Variants in ARHGAP26 observed in about 807,000 individuals in gnomAD.
ARHGAP26 encodes Rho GTPase activating protein 26, also known as rho GTPase-activating protein 26.
ARHGAP26 carries 38 observed loss-of-function variants against 104.8 expected under a neutral mutation model. The ratio of observed to expected loss-of-function variants is 0.36; its 90% CI spans 0.28 to 0.48. The LOEUF (loss-of-function observed/expected upper bound fraction) is 0.48. ARHGAP26 is among the 20% of genes least tolerant of loss of function. The probability of loss-of-function intolerance (pLI) is 0.99; values close to 1 mark genes in which losing one functional copy is unlikely to be tolerated. For missense variants in ARHGAP26, 704 were observed against 947.9 expected, an observed-to-expected ratio of 0.74 and a Z score of 3.38; for synonymous variants, 341 against 340.0, an observed-to-expected ratio of 1.00 and a Z score of -0.03.
Position 143,131,987 on chromosome 5 carries a change from G to T in ARHGAP26, c.1699-1980G>T, listed in dbSNP as rs533229641. Among the ~76,000 whole-genome samples the T allele has an allele frequency of 2.8e-4, 42 of 152,132 alleles. No individual in the cohort carries two copies. The South Asian group carries it at 7.1e-3, about 26-fold the overall frequency. On this transcript the variant is annotated intron_variant, in intron 18 of 22. Transcript: ENST00000645722. ...TATAGCACTGGTAAACTTGTTTTTT[G>T]GGGTTCCAGCTGCTCGGGAAGTTAG... is the stretch of plus-strand genomic sequence containing the variant.
At chr5:142,820,400 T>C (rs368367707) in intron 1 of ARHGAP26, among the ~76,000 whole-genome samples, 12 of 152,194 alleles carry the variant, frequency 7.9e-5, no homozygotes, top group Non-Finnish European at 1.3e-4. Context: ...TGATCAGTCA[T>C]TTTGTGGTTG....
chr5:143,202,058 TG>T (rs1807823372), intron 20 of ARHGAP26, among the ~76,000 whole-genome samples: 1 of 152,210 alleles, frequency 6.6e-6, no homozygotes, highest in African/African-American at 2.4e-5. Context: ...TAAGTCTCTT[TG>T]TAAGTCTCTA....
At chr5:143,053,362 AAG>A (rs1785310077) in intron 14 of ARHGAP26, among the ~76,000 whole-genome samples, 2 of 152,182 alleles carry the variant, frequency 1.3e-5, no homozygotes, top group Admixed American at 1.3e-4. Flanking sequence ...CAGAAAAAAA[AAG>A]GACTGGGAGC....
At chr5:143,044,756 T>G (rs2578593) in intron 14 of ARHGAP26, among the ~76,000 whole-genome samples, 1 of 151,984 alleles carries the variant, frequency 6.6e-6, no homozygotes, top group Non-Finnish European at 1.5e-5. Flanking sequence ...TAGGAGCATA[T>G]TGTTGGCTCC....
At chr5:142,791,236 A>G (rs1399287050) in intron 1 of ARHGAP26, among the ~76,000 whole-genome samples, 1 of 152,112 alleles carries the variant, frequency 6.6e-6, no homozygotes, top group East Asian at 1.9e-4. Context: ...CTGCTCTGAT[A>G]GGGTGGCATC....
At chr5:142,950,261 G>A (rs1479624494) in intron 11 of ARHGAP26, among the ~76,000 whole-genome samples, 2 of 152,146 alleles carry the variant, frequency 1.3e-5, no homozygotes, top group African/African-American at 4.8e-5. Flanking sequence ...GAACCCACAT[G>A]CATTTGAGGG....
At position 143,222,286 on chromosome 5, in the gene ARHGAP26, C is replaced by CA. The variant is rs527379069; in HGVS notation, c.2192-72_2192-71insA. On this transcript the variant is annotated intron_variant, in intron 22 of 22. Coordinates refer to ENST00000645722, the MANE Select transcript of ARHGAP26 (RefSeq NM_001135608.3). ...ACACACACACACACACACACACACCCCACACACACATCTGCCGCCTGCTCT... is the reference window on the plus strand; with the variant it reads ...ACACACACACACACACACACACACCCACACACACACATCTGCCGCCTGCTCT... 15 of 965,708 alleles carry CA rather than the reference C, an allele frequency of 1.6e-5. No homozygotes were observed. In the African/African-American group the frequency reaches 2.3e-4, roughly 15 times the overall value. 59.8% of individuals were successfully genotyped at this position (965,708 alleles called of 1,614,324 possible).
chr5:143,012,576 T>TTTATATATATACATATATA (rs1779038685), intron 11 of ARHGAP26, among the ~76,000 whole-genome samples: 1 of 57,032 alleles, frequency 1.8e-5, no homozygotes. Context: ...TATATATATA[T>TTTATATATATACATATATA]TATGATCAGG....
At chr5:143,035,839 G>GGCAGGAGACTCGCTTGAAC (rs1270397843) in intron 12 of ARHGAP26, among the ~76,000 whole-genome samples, 7 of 151,238 alleles carry the variant, frequency 4.6e-5, no homozygotes, top group Non-Finnish European at 7.4e-5. Flanking sequence ...GAGAAGCTGA[G>GGCAGGAGACTCGCTTGAAC]GCAGGAGACT....
At chr5:143,058,310 C>G (rs1028516539) in intron 17 of ARHGAP26, among the ~76,000 whole-genome samples, 1 of 152,140 alleles carries the variant, frequency 6.6e-6, no homozygotes, top group African/African-American at 2.4e-5. Context: ...TGCATTAAAG[C>G]CTTTGAAGAA....
At chr5:143,026,579 C>G (rs564097065) in intron 12 of ARHGAP26, among the ~76,000 whole-genome samples, 1 of 151,968 alleles carries the variant, frequency 6.6e-6, no homozygotes, top group African/African-American at 2.4e-5. Flanking sequence ...TACTTGTGTT[C>G]TAGGAATATC....
At chr5:143,051,439 A>G (rs765654862) in intron 14 of ARHGAP26, among the ~76,000 whole-genome samples, 15 of 152,228 alleles carry the variant, frequency 9.9e-5, no homozygotes, top group Non-Finnish European at 1.9e-4. Flanking sequence ...TTTACTAAGC[A>G]GCAGTGGTCA....
chr5:142,998,830 C>T lies in ARHGAP26; in HGVS notation c.1108-15250C>T, dbSNP rs146424336. On this transcript the variant is annotated intron_variant, in intron 11 of 22. Coordinates refer to ENST00000645722, the MANE Select transcript of ARHGAP26 (RefSeq NM_001135608.3). ...AGAATATGGCCTGTGCAACACGAGA[C>T]GGTGAGCTAGTCTGATCAGCAGCTT... 4.9e-3 allele frequency among the ~76,000 whole-genome samples: 746 copies of T among 152,184 alleles called. 14 individuals are homozygous for T. The highest frequency in any genetic ancestry group is 0.031 in the East Asian group (159 of 5,178).
intron 1 of ARHGAP26, among the ~76,000 whole-genome samples, chr5:142,826,643 G>T (rs1044342201): frequency 9.9e-5 from 15 of 152,140 alleles, no homozygotes; most frequent in Admixed American, 6.5e-4. Context: ...GGATTTTAGT[G>T]GTGGGAGGTA....
intron 11 of ARHGAP26, among the ~76,000 whole-genome samples, chr5:142,997,858 T>C (rs1227632232): frequency 6.6e-6 from 1 of 152,186 alleles, no homozygotes; most frequent in Non-Finnish European, 1.5e-5. Context: ...TGATGTGCCT[T>C]GTGGCATAAT....
intron 1 of ARHGAP26, among the ~76,000 whole-genome samples, chr5:142,854,769 T>G (rs965547920): frequency 4.6e-5 from 7 of 152,224 alleles, no homozygotes; most frequent in Admixed American, 4.6e-4. Context: ...GACCCAAAGA[T>G]GAGGCATGTT....
chr5:143,080,747 C>G (rs1789687382), intron 17 of ARHGAP26, among the ~76,000 whole-genome samples: 1 of 152,072 alleles, frequency 6.6e-6, no homozygotes, highest in South Asian at 2.1e-4. Context: ...TAATGGGGAG[C>G]CACTGGAGGG....
intron 17 of ARHGAP26, among the ~76,000 whole-genome samples, chr5:143,095,621 T>A (rs1015017735): frequency 3.3e-5 from 5 of 152,154 alleles, no homozygotes; most frequent in Non-Finnish European, 7.4e-5. Context: ...CAGGCTGGAG[T>A]GTTGTGCTGC....
intron 11 of ARHGAP26, among the ~76,000 whole-genome samples, chr5:143,013,188 G>A (rs972503587): frequency 2.6e-5 from 4 of 152,072 alleles, no homozygotes; most frequent in Non-Finnish European, 5.9e-5. Context: ...TTATTCTTCT[G>A]ATTAGTAGGC....
Sources: allele counts gnomAD v4.1 joint callset (sites outside exome capture counted in the v4.1 genomes callset), GRCh38; gene constraint gnomAD v4.1.1; transcripts MANE v1.5; gene names NCBI Gene and HGNC (gene_info 2026-07-23, HGNC 2026-07-21).